Variants in KANSL1L observed in about 807,000 individuals in gnomAD.
The protein encoded by KANSL1L is KAT8 regulatory NSL complex subunit 1 like, also known as KAT8 regulatory NSL complex subunit 1-like protein.
Under a neutral mutation model 108.6 loss-of-function variants are expected in KANSL1L, and 25 were observed. The observed-to-expected ratio is 0.23, with a 90% CI of 0.17 to 0.32. The LOEUF (loss-of-function observed/expected upper bound fraction) is 0.32. Ranked by LOEUF, KANSL1L falls within the 10% of genes least tolerant of loss-of-function variation. KANSL1L has a pLI of 1.00. For synonymous variants in KANSL1L, 405 were observed against 395.1 expected (o/e 1.03, Z -0.30); for missense variants, 1,137 against 1,125.7 (o/e 1.01, Z -0.14).
chr2:210,082,213 T>A (rs2125351808), intron 5 of KANSL1L, among the ~76,000 whole-genome samples: 1 of 152,344 alleles, frequency 6.6e-6, no homozygotes, highest in African/African-American at 2.4e-5. Flanking sequence ...TCCATTTTGA[T>A]GAAATACTGT....
rs1234370012 is a variant in KANSL1L at position 210,023,177 on chromosome 2, AG to A, written c.2735del (p.Ser912PhefsTer11). On this transcript the variant is annotated frameshift_variant and splice_region_variant, in exon 15 of 15. Transcript: ENST00000281772. LOFTEE classifies it high-confidence loss of function. ...PSLNQSQETKSLWWERRAFPL... is the reference protein window; with the variant it reads ...PSLNQSQETKXLWWERRAFPL... ...GAAAAGCCCGTCGTTCCCACCACAA[AG>A]ACTGAAAGGGGAAAAATTTTCAGTT... is the stretch of plus-strand genomic sequence containing the variant. 24 of 1,613,008 alleles carry A rather than the reference AG, an allele frequency of 1.5e-5. No homozygotes were observed. The highest frequency in any genetic ancestry group is 2.0e-5 in the Non-Finnish European group (24 of 1,179,386).
intron 5 of KANSL1L, chr2:210,096,473 G>A (rs1196156505): frequency 1.0e-6 from 1 of 983,894 alleles, no homozygotes. Flanking sequence ...TGAATGACCA[G>A]AAATACAGGC....
intron 6 of KANSL1L, among the ~76,000 whole-genome samples, chr2:210,049,429 A>G (rs1195813428): frequency 3.3e-5 from 5 of 151,250 alleles, no homozygotes; most frequent in Admixed American, 6.6e-5. Context: ...AGGTTTTTCT[A>G]TGGTAATGTT....
At chr2:210,152,375 A>G (rs1990513) in intron 2 of KANSL1L, 5 of 152,348 alleles carry the variant, frequency 3.3e-5, no homozygotes, top group African/African-American at 1.2e-4. Flanking sequence ...CTTAAGTGTT[A>G]AATATCCACA....
At chr2:210,146,809 C>A (rs2095269321) in intron 2 of KANSL1L, among the ~76,000 whole-genome samples, 1 of 152,180 alleles carries the variant, frequency 6.6e-6, no homozygotes, top group African/African-American at 2.4e-5. Context: ...CATATACAAG[C>A]AATCTGATGC....
At chr2:210,145,367 T>C (rs1236198622) in intron 2 of KANSL1L, among the ~76,000 whole-genome samples, 2 of 152,048 alleles carry the variant, frequency 1.3e-5, no homozygotes, top group Admixed American at 1.3e-4. Context: ...GGCTCCAGGG[T>C]CTAGGGCTGA....
chr2:210,073,323 C>G (rs1316631249), intron 6 of KANSL1L, among the ~76,000 whole-genome samples: 2 of 152,068 alleles, frequency 1.3e-5, no homozygotes, highest in Non-Finnish European at 2.9e-5. Flanking sequence ...CAGGATAAGT[C>G]TGAGTCTACA....
At chr2:210,101,137 T>C (rs1466869059) in intron 4 of KANSL1L, among the ~76,000 whole-genome samples, 1 of 152,170 alleles carries the variant, frequency 6.6e-6, no homozygotes, top group Non-Finnish European at 1.5e-5. Context: ...TGGTTCCCTA[T>C]ACTATCAAAG....
intron 14 of KANSL1L, 143 bp from the exon 15 acceptor site, chr2:210,023,322 A>G (rs1052562329): frequency 1.6e-6 from 1 of 637,748 alleles, no homozygotes; most frequent in Middle Eastern, 2.8e-4. Context: ...TTCAACTTAA[A>G]TAGCAACTCA....
At chr2:210,075,806 AAAAC>A in intron 5 of KANSL1L, 50 bp from the exon 6 acceptor site, 6 of 1,337,994 alleles carry the variant, frequency 4.5e-6, no homozygotes, top group Non-Finnish European at 6.3e-6. Context: ...AAAACAAAAC[AAAAC>A]AAACAAAAAA....
rs60144283 is a variant in KANSL1L, at chr2:210,079,612, GTATATATATATATATATATATATATA to G, written c.1551-3882_1551-3857del. ...TCTCAAAAAAAAAAAATATGTATGT[GTATATATATATATATATATATATATA>G]TATATATATATATATATATATATAT... is the stretch of plus-strand genomic sequence containing the variant. On this transcript the variant is annotated intron_variant, in intron 5 of 14. Transcript: ENST00000281772. 9.7e-3 allele frequency among the ~76,000 whole-genome samples: 639 copies of G among 65,650 alleles called. 47 individuals are homozygous for G. The highest frequency in any genetic ancestry group is 0.054 in the African/African-American group (570 of 10,624). 43.1% of individuals were successfully genotyped at this position (65,650 alleles called of 152,430 possible).
intron 5 of KANSL1L, chr2:210,096,721 T>C (rs2094739365): frequency 2.1e-6 from 2 of 954,954 alleles, no homozygotes; most frequent in Non-Finnish European, 2.5e-6. Context: ...AGTTATCCTA[T>C]ACAATATGTA....
chr2:210,028,764 T>C, intron 11 of KANSL1L, 81 bp downstream of exon 11: 1 of 1,047,838 alleles, frequency 9.5e-7, no homozygotes, highest in Non-Finnish European at 1.4e-6. Context: ...GCTCCTTTCA[T>C]TAATTAAAAT....
chr2:210,088,743 G>C (rs1261541176), intron 5 of KANSL1L: 2 of 152,332 alleles, frequency 1.3e-5, no homozygotes, highest in African/African-American at 2.4e-5. Flanking sequence ...CTGGTCCTCA[G>C]TCGAGTTCCT....
intron 11 of KANSL1L, chr2:210,028,437 T>C (rs953881431): frequency 1.4e-5 from 2 of 145,806 alleles, no homozygotes; most frequent in African/African-American, 2.6e-5. Context: ...GTCACAGGTA[T>C]TACTGTCTTA....
At chr2:210,164,572 A>C (rs2095377125) in intron 1 of KANSL1L, among the ~76,000 whole-genome samples, 1 of 152,150 alleles carries the variant, frequency 6.6e-6, no homozygotes, top group African/African-American at 2.4e-5. Context: ...TAGGAACAAG[A>C]GGTCCCTTTT....
intron 6 of KANSL1L, among the ~76,000 whole-genome samples, chr2:210,060,538 T>G (rs998766356): frequency 5.3e-5 from 8 of 152,208 alleles, no homozygotes; most frequent in African/African-American, 1.9e-4. Context: ...CACCCAACAT[T>G]CCATAATCTT....
chr2:210,094,827 TA>T (rs987708957), intron 5 of KANSL1L, among the ~76,000 whole-genome samples: 2,166 of 145,562 alleles, frequency 0.015, 31 homozygotes, highest in African/African-American at 0.041. Context: ...GTTAAGGGAT[TA>T]AAAAAAAAAA....
At chr2:210,041,524 C>G (rs2094164074) in intron 7 of KANSL1L, among the ~76,000 whole-genome samples, 3 of 152,186 alleles carry the variant, frequency 2.0e-5, no homozygotes, top group Admixed American at 1.3e-4. Context: ...CATTCTCAAT[C>G]TCCTGGGCGC....
Sources: gnomAD v4.1 joint callset for allele counts (sites outside exome capture counted in the v4.1 genomes callset) on GRCh38, gnomAD v4.1.1 for gene constraint, MANE v1.5 for transcripts, NCBI Gene and HGNC (gene_info 2026-07-23, HGNC 2026-07-21) for gene names.